EPG5: variants seen among roughly 807,000 people sequenced by gnomAD.
The protein encoded by EPG5 is ectopic P granules protein 5 homolog.
EPG5 carries 159 observed loss-of-function variants against 302.7 expected under a neutral mutation model. The ratio of observed to expected loss-of-function variants is 0.53; its 90% CI spans 0.46 to 0.60. The LOEUF (loss-of-function observed/expected upper bound fraction) is 0.60. EPG5 is among the 20% of genes least tolerant of loss of function. The pLI is 0.00. For missense variants in EPG5, 2,896 were observed against 3,092.4 expected, an observed-to-expected ratio of 0.94 and a Z score of 1.51; for synonymous variants, 1,158 against 1,136.8, an observed-to-expected ratio of 1.02 and a Z score of -0.37.
the EPG5 span, among the ~76,000 whole-genome samples, chr18:45,810,481 C>G: frequency 6.6e-6 from 1 of 152,140 alleles, no homozygotes; most frequent in Non-Finnish European, 1.5e-5. Flanking sequence ...TACTAGCTAA[C>G]CAAAGCCAAC....
chr18:45,801,548 G>C, the EPG5 span, among the ~76,000 whole-genome samples: 1 of 152,216 alleles, frequency 6.6e-6, no homozygotes, highest in Admixed American at 6.5e-5. Flanking sequence ...TAGTGCCAGG[G>C]AAGAAGGGAT....
intron 27 of EPG5, among the ~76,000 whole-genome samples, chr18:45,893,163 A>G (rs1199996913): frequency 1.3e-5 from 2 of 152,220 alleles, no homozygotes; most frequent in African/African-American, 4.8e-5. Flanking sequence ...GAATTTAGAC[A>G]TATGCAGGCT....
intron 16 of EPG5, among the ~76,000 whole-genome samples, chr18:45,921,477 T>C (rs538005928): frequency 6.6e-6 from 1 of 152,320 alleles, no homozygotes; most frequent in South Asian, 2.1e-4. Context: ...CTGCACCAGA[T>C]ATAGTCTTCA....
chr18:45,878,726 T>C (rs1038014463), intron 33 of EPG5, among the ~76,000 whole-genome samples: 2 of 152,348 alleles, frequency 1.3e-5, no homozygotes, highest in Admixed American at 6.5e-5. Context: ...AACCCCATCT[T>C]AGTAAGACAA....
intron 31 of EPG5, among the ~76,000 whole-genome samples, chr18:45,880,731 A>T (rs1209902806): frequency 2.0e-5 from 3 of 152,212 alleles, no homozygotes; most frequent in African/African-American, 7.2e-5. Context: ...CATATTCTGA[A>T]CTAGTCCCAA....
chr18:45,827,596 G>C, the EPG5 span, among the ~76,000 whole-genome samples: 2 of 152,222 alleles, frequency 1.3e-5, no homozygotes, highest in African/African-American at 4.8e-5. Flanking sequence ...TGGGCAGGCT[G>C]TCTACCTTTC....
At chr18:45,825,751 T>C in the EPG5 span, 4 of 1,614,238 alleles carry the variant, frequency 2.5e-6, no homozygotes, top group South Asian at 4.4e-5. Flanking sequence ...ATCTGGCTGC[T>C]GGCCTGCTTG....
At chr18:45,917,887 A>G (rs931937465) in intron 16 of EPG5, 68 bp from the exon 17 acceptor site, 1 of 1,567,500 alleles carries the variant, frequency 6.4e-7, no homozygotes, top group African/African-American at 1.4e-5. Context: ...TCTTCCAATG[A>G]GTTATGAGCC....
chr18:45,898,855 G>A (rs998722818), intron 27 of EPG5, among the ~76,000 whole-genome samples: 4 of 152,164 alleles, frequency 2.6e-5, no homozygotes, highest in African/African-American at 4.8e-5. Flanking sequence ...GACCGGACGC[G>A]GTGGCTCACG....
intron 33 of EPG5, 43 bp downstream of exon 33, chr18:45,878,970 A>C (rs766158005): frequency 1.3e-6 from 2 of 1,509,006 alleles, no homozygotes; most frequent in South Asian, 2.3e-5. Flanking sequence ...TCTTAATGGA[A>C]AGTCCAAACA....
intron 39 of EPG5, among the ~76,000 whole-genome samples, chr18:45,864,442 C>G (rs2145244980): frequency 1.3e-5 from 2 of 152,280 alleles, no homozygotes; most frequent in Middle Eastern, 6.8e-3. Context: ...CAATCCCTTG[C>G]TTCTTACTGA....
Position 45,949,495 on chromosome 18 carries a change from G to C in EPG5, c.1486C>G (p.Pro496Ala), listed in dbSNP as rs752818740. The part of the protein sequence containing the change: ...CPAGVSKWAV[P>A]FIQIKVLHNP... ...ATGATTCATCATACCTGGATAAAAG[G>C]AACAGCCCATTTACTAACACCAGCG... The change falls in exon 5 of 44, where the codon CCT becomes GCT. Residue 496 changes from proline to alanine, a missense_variant. Around this residue, in one of 5 missense-constraint regions of EPG5, gnomAD observed 1,390 missense variants for 1,430.0 expected, o/e 0.97. Transcript: ENST00000282041. 4 of 1,607,502 alleles carry C rather than the reference G, an allele frequency of 2.5e-6. No individual in the cohort carries two copies. The highest frequency in any genetic ancestry group is 2.2e-5 in the East Asian group (1 of 44,784).
chr18:45,882,729 C>T (rs574164168), intron 30 of EPG5, among the ~76,000 whole-genome samples: 3 of 152,006 alleles, frequency 2.0e-5, no homozygotes, highest in Admixed American at 6.5e-5. Context: ...CTAATTGGGT[C>T]GGGTGCGGTG....
rs771927385 is a variant in EPG5, at chr18:45,917,658, C to A, written c.3239+21G>T. The stretch of plus-strand genomic sequence containing the variant: ...CTGGACTGTTTAAGAGTGTCTCCTG[C>A]CATAGATGGAACACACTTACTGCTC... On this transcript the variant is annotated intron_variant, in intron 17 of 43. Coordinates refer to ENST00000282041, the MANE Select transcript of EPG5 (RefSeq NM_020964.3). 3.1e-6 allele frequency: 5 copies of A among 1,613,346 alleles called. No individual in the cohort carries two copies. The South Asian group carries it at 5.5e-5, about 18-fold the overall frequency.
intron 20 of EPG5, 116 bp downstream of exon 20, chr18:45,915,395 A>G (rs894637710): frequency 2.7e-6 from 2 of 735,650 alleles, no homozygotes; most frequent in Admixed American, 2.5e-5. Context: ...GTATACTTAC[A>G]CTAGAATAAG....
chr18:45,928,327 C>T (rs1008871811), intron 13 of EPG5, among the ~76,000 whole-genome samples: 6 of 152,026 alleles, frequency 3.9e-5, no homozygotes, highest in African/African-American at 1.5e-4. Flanking sequence ...AAACCACTGA[C>T]GTATATACTT....
intron 31 of EPG5, among the ~76,000 whole-genome samples, chr18:45,880,850 C>G (rs1043223420): frequency 1.3e-5 from 2 of 152,186 alleles, no homozygotes; most frequent in African/African-American, 2.4e-5. Context: ...GTTCATGGAG[C>G]AGGTCTGAGG....
chr18:45,809,107 T>A, the EPG5 span, among the ~76,000 whole-genome samples: 1 of 152,180 alleles, frequency 6.6e-6, no homozygotes, highest in South Asian at 2.1e-4. Flanking sequence ...AACTTTAAAG[T>A]GACAGCAGTT....
the EPG5 span, among the ~76,000 whole-genome samples, chr18:45,812,919 G>A: frequency 1.3e-5 from 2 of 152,200 alleles, no homozygotes; most frequent in African/African-American, 4.8e-5. Flanking sequence ...ATTGACAAGT[G>A]GGATCTGATT....
Sources: allele counts gnomAD v4.1 joint callset (sites outside exome capture counted in the v4.1 genomes callset), GRCh38; gene constraint gnomAD v4.1.1; regional missense constraint gnomAD v4.1.1; transcripts MANE v1.5; gene names NCBI Gene and HGNC (gene_info 2026-07-23, HGNC 2026-07-21).